Variants in PALM2AKAP2 observed in about 807,000 individuals in gnomAD.
The protein encoded by PALM2AKAP2 is PALM2 and AKAP2 fusion.
In PALM2AKAP2, 37 loss-of-function variants were observed where a neutral mutation model predicts 71.5. That is an observed-to-expected ratio of 0.52 (90% confidence interval 0.40 to 0.68). The LOEUF (loss-of-function observed/expected upper bound fraction) is 0.68. Among genes scored for constraint, PALM2AKAP2 ranks in the 30% least tolerant of loss-of-function variants. The pLI is 0.00. For missense variants in PALM2AKAP2, 1,224 were observed against 1,191.8 expected (o/e 1.03, Z -0.40); for synonymous variants, 468 against 478.8 (o/e 0.98, Z 0.29).
At chr9:109,929,737 G>C (rs532980082) in intron 5 of PALM2AKAP2, among the ~76,000 whole-genome samples, 1 of 151,616 alleles carries the variant, frequency 6.6e-6, no homozygotes, top group Admixed American at 6.6e-5. Flanking sequence ...GGTGGTGGGC[G>C]CCTGTAGTCC....
chr9:109,697,157 T>C (rs1827983990), intron 1 of PALM2AKAP2, among the ~76,000 whole-genome samples: 1 of 152,136 alleles, frequency 6.6e-6, no homozygotes, highest in Non-Finnish European at 1.5e-5. Context: ...ATGACAGTAT[T>C]CCATATAATG....
intron 6 of PALM2AKAP2, among the ~76,000 whole-genome samples, chr9:109,952,269 A>G (rs551528075): frequency 6.6e-6 from 1 of 152,362 alleles, no homozygotes; most frequent in South Asian, 2.1e-4. Context: ...GGCCTCAAAC[A>G]GGGCCTGGTC....
chr9:109,830,442 A>G (rs1416183829), intron 1 of PALM2AKAP2, among the ~76,000 whole-genome samples: 1 of 152,166 alleles, frequency 6.6e-6, no homozygotes, highest in Non-Finnish European at 1.5e-5. Flanking sequence ...TTGATCAACA[A>G]AACACATGTA....
At chr9:109,873,147 G>A (rs1829644273) in intron 2 of PALM2AKAP2, among the ~76,000 whole-genome samples, 1 of 152,212 alleles carries the variant, frequency 6.6e-6, no homozygotes, top group Admixed American at 6.6e-5. Flanking sequence ...CTCATGCTGA[G>A]TTTAACCCAC....
chr9:109,689,109 C>A (rs1357270364), intron 1 of PALM2AKAP2, among the ~76,000 whole-genome samples: 1 of 151,942 alleles, frequency 6.6e-6, no homozygotes, highest in Non-Finnish European at 1.5e-5. Flanking sequence ...AAGAACTAAG[C>A]GAGTTCAGTG....
At chr9:109,780,077 G>C (rs1372472757), upstream of PALM2AKAP2, among the ~76,000 whole-genome samples, 4 of 151,136 alleles carry the variant, frequency 2.6e-5, no homozygotes, top group Non-Finnish European at 5.9e-5. Context: ...GGCGGCGATC[G>C]CTCGGAGCCG....
intron 1 of PALM2AKAP2, among the ~76,000 whole-genome samples, chr9:109,825,176 G>A (rs968184201): frequency 3.9e-5 from 6 of 152,176 alleles, no homozygotes; most frequent in Admixed American, 2.0e-4. Flanking sequence ...AGCTGAAACT[G>A]GATCCCCTCC....
At chr9:109,798,105 G>A (rs902581559) in intron 1 of PALM2AKAP2, among the ~76,000 whole-genome samples, 3 of 152,152 alleles carry the variant, frequency 2.0e-5, no homozygotes, top group African/African-American at 7.2e-5. Context: ...ACTTGGGGAT[G>A]GCCAGCTTCT....
chr9:109,692,166 AT>A lies in PALM2AKAP2; in HGVS notation c.5+51301del, dbSNP rs537156707. 3.6e-3 allele frequency among the ~76,000 whole-genome samples: 539 copies of A among 151,320 alleles called. 7 individuals carry two copies. The highest frequency in any genetic ancestry group is 0.012 in the African/African-American group (516 of 41,390). ...TAAGTCAATGGTTTTTACTATATTCATAAAGTTGTGCAAAAATCACCATTTC... is the reference window on the plus strand; with the variant it reads ...TAAGTCAATGGTTTTTACTATATTCAAAAGTTGTGCAAAAATCACCATTTC... On this transcript the variant is annotated intron_variant, in intron 1 of 6. Coordinates refer to the PALM2AKAP2 transcript ENST00000374531.
At chr9:109,930,534 G>C (rs1280263008) in intron 5 of PALM2AKAP2, among the ~76,000 whole-genome samples, 1 of 152,106 alleles carries the variant, frequency 6.6e-6, no homozygotes. Context: ...CGAAAAATCT[G>C]TTTTCTTAGC....
chr9:109,866,780 C>T (rs1305457640), intron 1 of PALM2AKAP2, among the ~76,000 whole-genome samples: 1 of 152,000 alleles, frequency 6.6e-6, no homozygotes, highest in Non-Finnish European at 1.5e-5. Context: ...AGACCAAGAC[C>T]CAGGGAGGTA....
chr9:110,023,561 G>T (rs1056492819), intron 7 of PALM2AKAP2, among the ~76,000 whole-genome samples: 6 of 151,740 alleles, frequency 4.0e-5, no homozygotes, highest in African/African-American at 4.8e-5. Flanking sequence ...TGATCCACCC[G>T]CCTCGGCCTC....
intron 3 of PALM2AKAP2, among the ~76,000 whole-genome samples, chr9:109,887,856 T>C (rs12685944): frequency 3.3e-5 from 5 of 152,216 alleles, no homozygotes; most frequent in African/African-American, 9.6e-5. Context: ...ACCTCTGATA[T>C]TGAGTGAAAT....
At chr9:109,730,316 G>A (rs1828536357) in intron 1 of PALM2AKAP2, among the ~76,000 whole-genome samples, 1 of 152,206 alleles carries the variant, frequency 6.6e-6, no homozygotes, top group Non-Finnish European at 1.5e-5. Flanking sequence ...ATGTCTTGCT[G>A]TGAATATTGG....
intron 1 of PALM2AKAP2, among the ~76,000 whole-genome samples, chr9:109,834,990 C>T (rs1047668741): frequency 6.6e-6 from 1 of 152,108 alleles, no homozygotes; most frequent in Non-Finnish European, 1.5e-5. Flanking sequence ...ACAAACACAC[C>T]TTCTACCGAA....
chr9:109,959,048 C>A (rs1831801601), intron 6 of PALM2AKAP2, among the ~76,000 whole-genome samples: 1 of 152,188 alleles, frequency 6.6e-6, no homozygotes, highest in African/African-American at 2.4e-5. Context: ...TTGGCAAACC[C>A]CCCCACCTTG....
rs577642595 is a variant in PALM2AKAP2 at position 110,110,586 on chromosome 9, A to C, written c.157-25541A>C. Among the ~76,000 whole-genome samples the C allele has an allele frequency of 3.2e-3, 418 of 128,934 alleles. 2 individuals carry two copies. The highest frequency in any genetic ancestry group is 4.2e-3 in the Non-Finnish European group (271 of 64,406). 84.6% of individuals were successfully genotyped at this position (128,934 alleles called of 152,430 possible). Reference sequence around the variant, plus strand: ...TTTTTTGAGATGGAGTCTCACTATCATCCAACCTGGAGTGCAGTGGTACGA... The same window carrying C: ...TTTTTTGAGATGGAGTCTCACTATCCTCCAACCTGGAGTGCAGTGGTACGA... On this transcript the variant is annotated intron_variant, in intron 1 of 3. Coordinates refer to ENST00000374525, the Ensembl canonical transcript of PALM2AKAP2.
At chr9:109,790,528 G>A (rs978629027) in intron 1 of PALM2AKAP2, among the ~76,000 whole-genome samples, 2 of 152,126 alleles carry the variant, frequency 1.3e-5, no homozygotes, top group African/African-American at 4.8e-5. Flanking sequence ...TGCTAATGTC[G>A]ACAACTTTGA....
intron 3 of PALM2AKAP2, among the ~76,000 whole-genome samples, chr9:109,903,772 A>G (rs1277563189): frequency 4.0e-5 from 6 of 151,126 alleles, no homozygotes; most frequent in Admixed American, 3.9e-4. Flanking sequence ...CACATAGCGA[A>G]CTTGCATCAG....
Sources: allele counts gnomAD v4.1 joint callset (sites outside exome capture counted in the v4.1 genomes callset), GRCh38; gene constraint gnomAD v4.1.1; transcripts MANE v1.5; gene names NCBI Gene and HGNC (gene_info 2026-07-23, HGNC 2026-07-21).